DPP10: variants seen among roughly 807,000 people sequenced by gnomAD.
The protein encoded by DPP10 is dipeptidyl peptidase like 10.
A neutral mutation model predicts 120.9 loss-of-function variants in DPP10; 33 were observed. That is an observed-to-expected ratio of 0.27 (90% CI 0.21 to 0.37). DPP10 has a LOEUF of 0.37. Among genes scored for constraint, DPP10 ranks in the 10% least tolerant of loss-of-function variants. The pLI is 1.00. For synonymous variants in DPP10, 337 were observed against 326.1 expected (o/e 1.03, Z -0.36); for missense variants, 816 against 942.8 (o/e 0.87, Z 1.76).
At chr2:115,332,157 G>T (rs1490858030) in intron 2 of DPP10, among the ~76,000 whole-genome samples, 6 of 152,110 alleles carry the variant, frequency 3.9e-5, no homozygotes, top group African/African-American at 1.2e-4. Context: ...TCTTGGGAGG[G>T]TGTGTGTGTC....
chr2:114,695,693 C>G (rs1285932255), intron 1 of DPP10, among the ~76,000 whole-genome samples: 1 of 152,030 alleles, frequency 6.6e-6, no homozygotes, highest in Non-Finnish European at 1.5e-5. Context: ...CAGCATTTCT[C>G]TGGTCTAATT....
chr2:114,845,218 G>A (rs958805586), intron 1 of DPP10, among the ~76,000 whole-genome samples: 7 of 152,002 alleles, frequency 4.6e-5, no homozygotes, highest in African/African-American at 1.5e-4. Flanking sequence ...GGATGCTAAC[G>A]GATGAGACTC....
intron 1 of DPP10, among the ~76,000 whole-genome samples, chr2:114,725,041 C>A (rs1005734999): frequency 6.6e-6 from 1 of 152,108 alleles, no homozygotes; most frequent in Non-Finnish European, 1.5e-5. Flanking sequence ...CATCTGTAAA[C>A]CAACAAAAAT....
chr2:115,042,008 CTTTTTTTTTTT>C (rs5833573), intron 1 of DPP10, among the ~76,000 whole-genome samples: 1 of 80,336 alleles, frequency 1.2e-5, no homozygotes, highest in Admixed American at 1.5e-4. Context: ...TCTATCTTAT[CTTTTTTTTTTT>C]TTTTTTTTTT....
intron 5 of DPP10, among the ~76,000 whole-genome samples, chr2:115,632,733 A>G (rs983401439): frequency 2.0e-5 from 3 of 152,180 alleles, no homozygotes; most frequent in Non-Finnish European, 2.9e-5. Context: ...TAAATTTACA[A>G]GAAAAAATCA....
intron 3 of DPP10, among the ~76,000 whole-genome samples, chr2:115,384,335 C>G (rs1574654215): frequency 6.6e-6 from 1 of 151,750 alleles, no homozygotes; most frequent in Non-Finnish European, 1.5e-5. Flanking sequence ...GATCACATGA[C>G]TGCACTCCAG....
chr2:115,684,235 C>T (rs1361977035), intron 5 of DPP10, among the ~76,000 whole-genome samples: 1 of 151,770 alleles, frequency 6.6e-6, no homozygotes, highest in Non-Finnish European at 1.5e-5. Context: ...AAAAATATTT[C>T]TGTAGAGCTG....
chr2:115,411,054 G>A (rs1460912050), intron 3 of DPP10, among the ~76,000 whole-genome samples: 2 of 152,164 alleles, frequency 1.3e-5, no homozygotes, highest in Non-Finnish European at 2.9e-5. Flanking sequence ...TAGGGGCTGG[G>A]CGCAGTAGCT....
chr2:115,782,966 C>A (rs549116023), intron 17 of DPP10, among the ~76,000 whole-genome samples: 1 of 152,068 alleles, frequency 6.6e-6, no homozygotes, highest in South Asian at 2.1e-4. Context: ...GTGTTTTGTT[C>A]AAGAACTTAC....
At chr2:114,898,793 T>C (rs1047463612) in intron 1 of DPP10, among the ~76,000 whole-genome samples, 2 of 152,226 alleles carry the variant, frequency 1.3e-5, no homozygotes, top group African/African-American at 4.8e-5. Flanking sequence ...TCCAGATACA[T>C]GGTATCAATA....
intron 1 of DPP10, among the ~76,000 whole-genome samples, chr2:114,722,162 C>A (rs1001211115): frequency 1.3e-5 from 2 of 152,040 alleles, no homozygotes; most frequent in African/African-American, 4.8e-5. Context: ...TCATAAAGAC[C>A]CTGAATACGG....
chr2:115,307,473 G>A lies in DPP10; in HGVS notation c.61-1766G>A, dbSNP rs561612264. Among the ~76,000 whole-genome samples the A allele has an allele frequency of 1.4e-4, 22 of 152,122 alleles. No homozygotes were observed. The South Asian group carries it at 4.4e-3, about 30-fold the overall frequency. ...CTTACATTGTGAAACAATAATATGT[G>A]CTTGCTTCTGTTAGAGTTAATAAAT... is the stretch of plus-strand genomic sequence containing the variant. On this transcript the variant is annotated intron_variant, in intron 1 of 25. Transcript: ENST00000410059.
chr2:115,464,170 G>T, intron 3 of DPP10, among the ~76,000 whole-genome samples: 1 of 152,140 alleles, frequency 6.6e-6, no homozygotes, highest in South Asian at 2.1e-4. Flanking sequence ...CCATGTGTCT[G>T]TTTCCATTAG....
intron 5 of DPP10, among the ~76,000 whole-genome samples, chr2:115,606,663 A>G (rs183615234): frequency 1.8e-3 from 279 of 152,304 alleles, no homozygotes; most frequent in African/African-American, 6.4e-3. Flanking sequence ...GCGTTCATCT[A>G]TTCCTTAGAC....
chr2:115,315,840 G>T (rs908600), intron 2 of DPP10, among the ~76,000 whole-genome samples: 100,480 of 151,828 alleles, frequency 0.66, 33,644 homozygotes, highest in Admixed American at 0.74. Context: ...TTTCCCCCTG[G>T]ATAATATGGA....
chr2:114,616,082 G>A (rs960057924), intron 1 of DPP10, among the ~76,000 whole-genome samples: 6 of 152,150 alleles, frequency 3.9e-5, no homozygotes, highest in African/African-American at 1.4e-4. Flanking sequence ...TATAAGGATA[G>A]TTTGTCTATT....
At chr2:115,429,962 A>G (rs1035367014) in intron 3 of DPP10, among the ~76,000 whole-genome samples, 1 of 152,178 alleles carries the variant, frequency 6.6e-6, no homozygotes, top group Non-Finnish European at 1.5e-5. Context: ...GTGGAAAGAC[A>G]CTTTTTATGA....
At chr2:115,842,101 G>T in intron 25 of DPP10, 110 bp from the exon 26 acceptor site, 1 of 1,079,694 alleles carries the variant, frequency 9.3e-7, no homozygotes, top group Non-Finnish European at 1.3e-6. Context: ...GTTTGATTTT[G>T]GTCAGATATT....
At chr2:115,644,389 A>C (rs547017683) in intron 5 of DPP10, among the ~76,000 whole-genome samples, 5 of 151,682 alleles carry the variant, frequency 3.3e-5, no homozygotes, top group Non-Finnish European at 5.9e-5. Context: ...TTCAATTCCC[A>C]CCTATGAGTG....
Sources: gnomAD v4.1 joint callset for allele counts (sites outside exome capture counted in the v4.1 genomes callset) on GRCh38, gnomAD v4.1.1 for gene constraint, MANE v1.5 for transcripts, NCBI Gene and HGNC (gene_info 2026-07-23, HGNC 2026-07-21) for gene names.